The following MAP3K13 variants were observed in gnomAD, a reference collection of about 807,000 sequenced individuals.
MAP3K13 encodes leucine zipper-bearing kinase.
Under a neutral mutation model 104.0 loss-of-function variants are expected in MAP3K13, and 52 were observed. The observed-to-expected ratio is 0.50, with a 90% CI of 0.40 to 0.63. MAP3K13 has a LOEUF of 0.63. MAP3K13 is among the 20% of genes least tolerant of loss of function. MAP3K13 has a pLI of 0.00. For synonymous variants in MAP3K13, 394 were observed against 442.2 expected, an observed-to-expected ratio of 0.89 and a Z score of 1.37; for missense variants, 914 against 1,218.5, an observed-to-expected ratio of 0.75 and a Z score of 3.72.
chr3:185,399,412 G>A (rs1203964543), intron 1 of MAP3K13, among the ~76,000 whole-genome samples: 1 of 151,614 alleles, frequency 6.6e-6, no homozygotes, highest in East Asian at 1.9e-4. Flanking sequence ...AGACCAGCCT[G>A]GCCAACATGG....
At chr3:185,323,358 C>T (rs9839767) in intron 2 of MAP3K13, among the ~76,000 whole-genome samples, 96,154 of 139,590 alleles carry the variant, frequency 0.69, 33,993 homozygotes, top group Non-Finnish European at 0.79. Context: ...TTTTTTGAGA[C>T]GGAGTTTTGC....
chr3:185,475,932 G>A (rs1240100522), intron 11 of MAP3K13, among the ~76,000 whole-genome samples: 4 of 152,220 alleles, frequency 2.6e-5, no homozygotes, highest in East Asian at 1.9e-4. Flanking sequence ...TTCCAACTCC[G>A]ATGGCCAGTA....
At chr3:185,456,783 G>A (rs891250038) in intron 7 of MAP3K13, among the ~76,000 whole-genome samples, 13 of 151,830 alleles carry the variant, frequency 8.6e-5, no homozygotes, top group African/African-American at 3.1e-4. Context: ...TGTATTTTTA[G>A]TAGAGACAGG....
At chr3:185,370,794 G>C (rs866334920) in intron 1 of MAP3K13, among the ~76,000 whole-genome samples, 99 of 149,794 alleles carry the variant, frequency 6.6e-4, no homozygotes, top group Middle Eastern at 7.2e-3. Flanking sequence ...TTGGTGATCT[G>C]GGCTAATAGG....
intron 1 of MAP3K13, among the ~76,000 whole-genome samples, chr3:185,378,276 C>T (rs146916890): frequency 9.5e-4 from 144 of 152,214 alleles, no homozygotes; most frequent in African/African-American, 3.1e-3. Context: ...GAGAATAAGA[C>T]GGCCTTCTGA....
At chr3:185,412,251 A>G (rs753825315) in intron 1 of MAP3K13, among the ~76,000 whole-genome samples, 13 of 152,182 alleles carry the variant, frequency 8.5e-5, no homozygotes, top group Non-Finnish European at 1.8e-4. Flanking sequence ...GTTTTCTGTC[A>G]CAAATAGTTT....
chr3:185,361,625 C>T (rs745966587), upstream of MAP3K13, among the ~76,000 whole-genome samples: 2 of 152,130 alleles, frequency 1.3e-5, no homozygotes, highest in Non-Finnish European at 2.9e-5. Flanking sequence ...AGGATGGTCT[C>T]GATCCCTGAC....
At chr3:185,404,579 T>G (rs1010879925) in intron 1 of MAP3K13, among the ~76,000 whole-genome samples, 14 of 152,126 alleles carry the variant, frequency 9.2e-5, no homozygotes, top group African/African-American at 2.7e-4. Context: ...TGGTTTAATT[T>G]TTTAAAAATT....
intron 1 of MAP3K13, among the ~76,000 whole-genome samples, chr3:185,379,259 G>A (rs1205368082): frequency 6.6e-6 from 1 of 152,220 alleles, no homozygotes; most frequent in East Asian, 1.9e-4. Flanking sequence ...ACCAAGGAAA[G>A]GCTGTCTTCC....
intron 10 of MAP3K13, 21 bp downstream of exon 10, chr3:185,466,984 C>T: frequency 6.2e-7 from 1 of 1,613,728 alleles, no homozygotes; most frequent in Non-Finnish European, 8.5e-7. Flanking sequence ...TGTACAAACG[C>T]AGTATTCAGA....
At chr3:185,402,426 C>T (rs917393240) in intron 1 of MAP3K13, among the ~76,000 whole-genome samples, 1 of 151,638 alleles carries the variant, frequency 6.6e-6, no homozygotes, top group African/African-American at 2.4e-5. Flanking sequence ...TACCTATTAC[C>T]ATGTACATCT....
intron 2 of MAP3K13, among the ~76,000 whole-genome samples, chr3:185,436,138 T>C (rs1195534487): frequency 6.6e-6 from 1 of 152,248 alleles, no homozygotes; most frequent in Non-Finnish European, 1.5e-5. Flanking sequence ...AAAGCACATA[T>C]TGATTGAATT....
chr3:185,420,077 A>T (rs186370455), intron 1 of MAP3K13, among the ~76,000 whole-genome samples: 3 of 152,364 alleles, frequency 2.0e-5, no homozygotes. Flanking sequence ...TTAAACATTC[A>T]TAATCTTAAC....
At chr3:185,427,350 C>T (rs1038595178) in intron 1 of MAP3K13, among the ~76,000 whole-genome samples, 2 of 151,542 alleles carry the variant, frequency 1.3e-5, no homozygotes, top group African/African-American at 2.4e-5. Flanking sequence ...GGTGACAGAG[C>T]GAGACTCTGT....
chr3:185,290,089 C>A (rs1369929978), intron 2 of MAP3K13, among the ~76,000 whole-genome samples: 2 of 152,060 alleles, frequency 1.3e-5, no homozygotes, highest in Non-Finnish European at 2.9e-5. Context: ...ATTATTATTT[C>A]ATTATTACCA....
In MAP3K13 at chr3:185,418,708, T is replaced by G; in HGVS notation, c.-85-9789T>G. 2 of 1,611,094 alleles carry G rather than the reference T, an allele frequency of 1.2e-6. No homozygotes were observed. Among genetic ancestry groups the G allele is most frequent in the Non-Finnish European group, 1.7e-6 (2 of 1,177,908 alleles). On this transcript the variant is annotated intron_variant, in intron 1 of 13. Transcript: ENST00000265026. This position sits in a 1 kb window ranked among gnomAD's most constrained non-coding sequence, Gnocchi z 4.5. ...AATAGGAGCCTTGAATACAGCAGGC[T>G]AAGTGACATTTTTGCCAGATGACTC...
At chr3:185,367,303 T>C (rs1488554536) in intron 1 of MAP3K13, among the ~76,000 whole-genome samples, 3 of 152,176 alleles carry the variant, frequency 2.0e-5, no homozygotes, top group South Asian at 4.1e-4. Flanking sequence ...CCAGTGATGA[T>C]GTATTTTTAA....
chr3:185,298,925 T>A (rs1216244889), intron 2 of MAP3K13, among the ~76,000 whole-genome samples: 1 of 152,218 alleles, frequency 6.6e-6, no homozygotes, highest in Admixed American at 6.5e-5. Context: ...TTGGAAAATG[T>A]TGCAGTCTTT....
At chr3:185,439,838 A>T (rs1577560446) in intron 3 of MAP3K13, among the ~76,000 whole-genome samples, 1 of 152,264 alleles carries the variant, frequency 6.6e-6, no homozygotes, top group Non-Finnish European at 1.5e-5. Context: ...TTTAGGCTGA[A>T]GACACTTGAA....
Sources: allele counts gnomAD v4.1 joint callset (sites outside exome capture counted in the v4.1 genomes callset), GRCh38; gene constraint gnomAD v4.1.1; non-coding constraint Gnocchi (gnomAD v3.1); transcripts MANE v1.5; gene names NCBI Gene and HGNC (gene_info 2026-07-23, HGNC 2026-07-21).